The following ATRNL1 variants were observed in gnomAD, a reference collection of about 807,000 sequenced individuals.
ATRNL1 encodes attractin like 1.
Under a neutral mutation model 182.7 loss-of-function variants are expected in ATRNL1, and 95 were observed. The observed-to-expected ratio is 0.52, with a 90% confidence interval of 0.44 to 0.62. The LOEUF (loss-of-function observed/expected upper bound fraction) is 0.62. Among genes scored for constraint, ATRNL1 ranks in the 20% least tolerant of loss-of-function variants. The probability of loss-of-function intolerance (pLI) is 0.00; values close to 1 mark genes in which losing one functional copy is unlikely to be tolerated. For missense variants in ATRNL1, 1,471 were observed against 1,679.5 expected (o/e 0.88, Z 2.17); for synonymous variants, 576 against 568.3 (o/e 1.01, Z -0.19).
chr10:115,774,192 C>G (rs1949062783), intron 27 of ATRNL1, among the ~76,000 whole-genome samples: 1 of 152,036 alleles, frequency 6.6e-6, no homozygotes, highest in East Asian at 1.9e-4. Context: ...CTTTGGGAGG[C>G]CGAGGCGGGC....
At chr10:115,688,226 C>A (rs782531000) in intron 26 of ATRNL1, among the ~76,000 whole-genome samples, 28 of 152,070 alleles carry the variant, frequency 1.8e-4, no homozygotes, top group Non-Finnish European at 3.4e-4. Context: ...CATCGATGAG[C>A]ATGTAGGTTG....
chr10:115,530,160 GT>G (rs1269082546), intron 25 of ATRNL1, among the ~76,000 whole-genome samples: 4 of 151,924 alleles, frequency 2.6e-5, no homozygotes, highest in African/African-American at 9.7e-5. Context: ...CTTTTTCACT[GT>G]TGTGAATAAT....
At chr10:115,654,047 T>C (rs1555035053) in intron 26 of ATRNL1, among the ~76,000 whole-genome samples, 1 of 152,162 alleles carries the variant, frequency 6.6e-6, no homozygotes, top group Non-Finnish European at 1.5e-5. Flanking sequence ...AAACTATGTT[T>C]TATCCTCAGA....
At chr10:115,912,417 TG>T (rs1315708106) in intron 28 of ATRNL1, among the ~76,000 whole-genome samples, 6 of 9,252 alleles carry the variant, frequency 6.5e-4, no homozygotes, top group Non-Finnish European at 3.4e-4. Context: ...TATATATATT[TG>T]TGTGTGTGTG....
At chr10:115,802,415 T>C (rs1156866179) in intron 27 of ATRNL1, among the ~76,000 whole-genome samples, 1 of 152,108 alleles carries the variant, frequency 6.6e-6, no homozygotes, top group African/African-American at 2.4e-5. Flanking sequence ...ATGCTAACTC[T>C]CAGAAGCATG....
At chr10:115,882,151 G>A (rs1464603266) in intron 28 of ATRNL1, among the ~76,000 whole-genome samples, 1 of 152,198 alleles carries the variant, frequency 6.6e-6, no homozygotes, top group Non-Finnish European at 1.5e-5. Context: ...GATGTTGCAG[G>A]ATTGGCACTC....
At chr10:115,209,780 TC>T (rs1427525612) in intron 8 of ATRNL1, among the ~76,000 whole-genome samples, 1 of 152,006 alleles carries the variant, frequency 6.6e-6, no homozygotes, top group African/African-American at 2.4e-5. Flanking sequence ...ACCAGTTGGT[TC>T]CTTAGAGCAT....
At position 115,619,499 on chromosome 10, in the gene ATRNL1, C is replaced by A. The variant is rs555839149; in HGVS notation, c.3795+69963C>A. 1.5e-3 allele frequency among the ~76,000 whole-genome samples: 223 copies of A among 152,306 alleles called. 1 individual carries two copies. The highest frequency in any genetic ancestry group is 4.8e-3 in the African/African-American group (199 of 41,580). The stretch of plus-strand genomic sequence containing the variant: ...GGTGGGTGCTGGGTGGGCCAGTCTT[C>A]AGGCCCCTAGGCCACACTTGCAAGC... On this transcript the variant is annotated intron_variant, in intron 26 of 28. Transcript: ENST00000355044.
At chr10:115,159,866 G>A (rs776522008) in intron 5 of ATRNL1, among the ~76,000 whole-genome samples, 174 bp from the exon 6 acceptor site, 18 of 151,542 alleles carry the variant, frequency 1.2e-4, no homozygotes, top group Admixed American at 8.6e-4. Flanking sequence ...TCACCTCTAA[G>A]CATTACATTT....
intron 24 of ATRNL1, among the ~76,000 whole-genome samples, chr10:115,473,723 C>G (rs1198845515): frequency 6.6e-6 from 1 of 151,254 alleles, no homozygotes; most frequent in Non-Finnish European, 1.5e-5. Flanking sequence ...TGTTGGAAAG[C>G]TTTTTATAAT....
chr10:115,947,561 C>T lies in ATRNL1; in HGVS notation c.*2782C>T, dbSNP rs1296098025. 6.6e-6 allele frequency: 1 copy of T among 152,568 alleles called. No homozygotes were observed. The highest frequency in any genetic ancestry group is 1.5e-5 in the Non-Finnish European group (1 of 68,028). 9.5% of individuals were successfully genotyped at this position (152,568 alleles called of 1,614,324 possible). A position where few individuals can be genotyped will look rare whatever the true frequency, so the allele number is the denominator to read the frequency against. On this transcript the variant is annotated 3_prime_UTR_variant, in exon 29 of 29. Transcript: ENST00000355044. ...TAAATTTTAAGAGGATTAGGATTCT[C>T]ATAATTCTTTAAATGAAAATTTGTT...
chr10:115,691,941 G>C (rs2804153), intron 26 of ATRNL1, among the ~76,000 whole-genome samples: 139 of 151,688 alleles, frequency 9.2e-4, no homozygotes, highest in Non-Finnish European at 1.6e-3. Flanking sequence ...TGTTTCCTTC[G>C]CTTTGCAGAA....
chr10:115,181,806 C>T (rs1847757294), intron 8 of ATRNL1, among the ~76,000 whole-genome samples: 1 of 151,686 alleles, frequency 6.6e-6, no homozygotes, highest in Admixed American at 6.6e-5. Context: ...AAAGTACCAT[C>T]ATTGTAGTCC....
chr10:115,647,022 A>C (rs1345553430), intron 26 of ATRNL1, among the ~76,000 whole-genome samples: 12 of 137,326 alleles, frequency 8.7e-5, no homozygotes, highest in Non-Finnish European at 1.5e-5. Flanking sequence ...TCATTGTTCA[A>C]TTCCCACCTA....
At chr10:115,859,744 G>A (rs1354974878) in intron 28 of ATRNL1, among the ~76,000 whole-genome samples, 7 of 152,276 alleles carry the variant, frequency 4.6e-5, no homozygotes, top group Admixed American at 4.6e-4. Flanking sequence ...TGGTGCCATA[G>A]TATCTACCAA....
intron 20 of ATRNL1, among the ~76,000 whole-genome samples, chr10:115,397,871 G>C (rs527649425): frequency 1.3e-5 from 2 of 151,936 alleles, no homozygotes; most frequent in African/African-American, 4.8e-5. Flanking sequence ...AACCATTGGA[G>C]AACTGAGAAA....
At chr10:115,407,255 C>T (rs1554958477) in intron 20 of ATRNL1, among the ~76,000 whole-genome samples, 5 of 151,968 alleles carry the variant, frequency 3.3e-5, no homozygotes, top group East Asian at 1.9e-4. Context: ...ATCTTTCCAG[C>T]GATTTGAGCT....
chr10:115,411,970 T>G (rs893079602), intron 20 of ATRNL1, among the ~76,000 whole-genome samples: 1 of 152,210 alleles, frequency 6.6e-6, no homozygotes, highest in Non-Finnish European at 1.5e-5. Flanking sequence ...CATACCATTG[T>G]GTAGTTCCAT....
At chr10:115,513,332 A>C (rs1185449059) in intron 24 of ATRNL1, among the ~76,000 whole-genome samples, 1 of 152,014 alleles carries the variant, frequency 6.6e-6, no homozygotes, top group African/African-American at 2.4e-5. Flanking sequence ...GATGTTAAAA[A>C]GCGATTTCTT....
Sources: gnomAD v4.1 joint callset for allele counts (sites outside exome capture counted in the v4.1 genomes callset) on GRCh38, gnomAD v4.1.1 for gene constraint, MANE v1.5 for transcripts, NCBI Gene and HGNC (gene_info 2026-07-23, HGNC 2026-07-21) for gene names.